Variants in TNFRSF1B observed in about 807,000 individuals in gnomAD.
TNFRSF1B encodes TNF receptor superfamily member 1B, also known as tumor necrosis factor receptor superfamily member 1B.
TNFRSF1B carries 19 observed loss-of-function variants against 44.6 expected under a neutral mutation model. The observed-to-expected ratio is 0.43, with a 90% confidence interval of 0.30 to 0.62. TNFRSF1B has a LOEUF of 0.62. TNFRSF1B is among the 20% of genes least tolerant of loss of function. The pLI is 0.16. For missense variants in TNFRSF1B, 541 were observed against 619.9 expected (o/e 0.87, Z 1.35); for synonymous variants, 252 against 261.1 (o/e 0.97, Z 0.34).
chr1:12,174,214 C>T (rs574729261), intron 1 of TNFRSF1B, among the ~76,000 whole-genome samples: 10 of 138,180 alleles, frequency 7.2e-5, no homozygotes, highest in African/African-American at 2.0e-4. Context: ...TTCTCCTTCT[C>T]CTTCTCCTTC....
At chr1:12,188,985 C>A in intron 2 of TNFRSF1B, 90 bp downstream of exon 2, 2 of 1,124,582 alleles carry the variant, frequency 1.8e-6, no homozygotes, top group Non-Finnish European at 2.6e-6. Flanking sequence ...GCCCTTGATT[C>A]TTACTGAACT....
intron 3 of TNFRSF1B, 70 bp from the exon 4 acceptor site, chr1:12,191,704 G>T: frequency 6.3e-7 from 1 of 1,596,182 alleles, no homozygotes; most frequent in Non-Finnish European, 8.6e-7. Flanking sequence ...AGAGTGCTGG[G>T]CTGTCTGGGA....
At position 12,183,679 on chromosome 1, in the gene TNFRSF1B, T is replaced by TCTATCTATTCTAA. The variant is rs1553163407; in HGVS notation, c.79-5109_79-5108insTCTAACTATCTAT. Among the ~76,000 whole-genome samples, 17 of 127,174 alleles carry TCTATCTATTCTAA rather than the reference T, an allele frequency of 1.3e-4. 2 individuals are homozygous for TCTATCTATTCTAA. Among genetic ancestry groups the TCTATCTATTCTAA allele is most frequent in the South Asian group, 2.8e-4 (1 of 3,566 alleles). The allele number at this position is 127,174 out of a possible 152,430, so 83.4% of individuals were successfully genotyped here. On this transcript the variant is annotated intron_variant, in intron 1 of 9. Coordinates refer to ENST00000376259, the MANE Select transcript of TNFRSF1B (RefSeq NM_001066.3). Reference sequence around the variant, plus strand: ...TTTTATCTATCTATCTATCTATCTATCTATCTATCTATCTATCTATCTATC... The same window carrying TCTATCTATTCTAA: ...TTTTATCTATCTATCTATCTATCTATCTATCTATTCTAACTATCTATCTATCTATCTATCTATC...
chr1:12,189,476 C>T (rs780985057), intron 2 of TNFRSF1B, among the ~76,000 whole-genome samples: 1 of 152,210 alleles, frequency 6.6e-6, no homozygotes, highest in Non-Finnish European at 1.5e-5. Context: ...GAATGCTTAC[C>T]CATTTCACAG....
chr1:12,200,989 A>C (rs1367799115), intron 8 of TNFRSF1B, among the ~76,000 whole-genome samples: 1 of 152,072 alleles, frequency 6.6e-6, no homozygotes, highest in African/African-American at 2.4e-5. Context: ...GTGGTGGTGC[A>C]CGCCTGGTAT....
At chr1:12,176,303 G>A (rs144437032) in intron 1 of TNFRSF1B, among the ~76,000 whole-genome samples, 60 of 152,312 alleles carry the variant, frequency 3.9e-4, no homozygotes, top group Non-Finnish European at 7.2e-4. Flanking sequence ...GGAGCCAAAG[G>A]TTTGTTGGGG....
At chr1:12,170,589 C>T (rs756865212) in intron 1 of TNFRSF1B, among the ~76,000 whole-genome samples, 31 of 152,160 alleles carry the variant, frequency 2.0e-4, no homozygotes, top group Admixed American at 3.3e-4. Context: ...GTAGCAGGGA[C>T]GGTTGTGCGT....
At chr1:12,167,548 CT>C in intron 1 of TNFRSF1B, 1 of 374,886 alleles carries the variant, frequency 2.7e-6, no homozygotes. Context: ...CGCGACAGCC[CT>C]TCCCTCCCAC....
At position 12,180,963 on chromosome 1, in the gene TNFRSF1B, C is replaced by G. The variant is rs1008342815; in HGVS notation, c.79-7833C>G. On this transcript the variant is annotated intron_variant, in intron 1 of 9. Transcript: ENST00000376259. The surrounding 1 kb of genome is among the most constrained non-coding windows in gnomAD (Gnocchi z 4.3). The stretch of plus-strand genomic sequence containing the variant: ...AAGTCCCTGTGAGTTAGCCCAAGGT[C>G]CCTGTCAAGGAGGACCACATCTGGC... Among the ~76,000 whole-genome samples, 9 of 152,196 alleles carry G rather than the reference C, an allele frequency of 5.9e-5. No homozygotes were observed. Among genetic ancestry groups the G allele is most frequent in the Non-Finnish European group, 1.2e-4 (8 of 68,026 alleles).
intron 8 of TNFRSF1B, among the ~76,000 whole-genome samples, chr1:12,196,641 C>T (rs1444404141): frequency 2.6e-5 from 4 of 152,234 alleles, no homozygotes; most frequent in South Asian, 2.1e-4. Flanking sequence ...TGCTCAAGGT[C>T]GCACCGCAGT....
intron 1 of TNFRSF1B, among the ~76,000 whole-genome samples, chr1:12,183,777 T>G (rs1570142631): frequency 6.4e-5 from 8 of 125,084 alleles, no homozygotes; most frequent in Admixed American, 7.7e-5. Flanking sequence ...AGCTATCTAT[T>G]CTATCTACCT....
At position 12,199,238 on chromosome 1, in the gene TNFRSF1B, T is replaced by C. The variant is rs1639336551; in HGVS notation, c.901-2729T>C. Among the ~76,000 whole-genome samples, 1 of 152,106 alleles carries C rather than the reference T, an allele frequency of 6.6e-6. No individual in the cohort carries two copies. Among genetic ancestry groups the C allele is most frequent in the African/African-American group, 2.4e-5 (1 of 41,414 alleles). ...TTTGTGGGGTTGTGAGGAGTGACAATTGGCTGCTTCTCCTCCCCTTCCAGG... is the reference window on the plus strand; with the variant it reads ...TTTGTGGGGTTGTGAGGAGTGACAACTGGCTGCTTCTCCTCCCCTTCCAGG... On this transcript the variant is annotated intron_variant, in intron 8 of 9. Coordinates refer to ENST00000376259, the MANE Select transcript of TNFRSF1B (RefSeq NM_001066.3). The surrounding 1 kb of genome is among the most constrained non-coding windows in gnomAD (Gnocchi z 4.0).
In TNFRSF1B at chr1:12,171,113, C is replaced by A. The variant is rs1388222510; in HGVS notation, c.78+3944C>A. On this transcript the variant is annotated intron_variant, in intron 1 of 9. Transcript: ENST00000376259. This position sits in a 1 kb window ranked among gnomAD's most constrained non-coding sequence, Gnocchi z 4.5. The stretch of plus-strand genomic sequence containing the variant: ...CACCTCCTGGGTTCAAGCAATTTTC[C>A]CACCTCAGCCTCCCAAGTAGCTGGG... Among the ~76,000 whole-genome samples the A allele has an allele frequency of 6.6e-6, 1 of 152,118 alleles. No homozygotes were observed. The highest frequency in any genetic ancestry group is 2.4e-5 in the African/African-American group (1 of 41,408).
At chr1:12,195,169 C>T (rs772502195) in intron 8 of TNFRSF1B, among the ~76,000 whole-genome samples, 8 of 152,216 alleles carry the variant, frequency 5.3e-5, no homozygotes, top group Non-Finnish European at 1.2e-4. Context: ...CAAAGCAACT[C>T]ACCTTTGATC....
Position 12,191,777 on chromosome 1 carries a change from A to G in TNFRSF1B, c.311A>G (p.Gln104Arg). The G allele has an allele frequency of 6.2e-7, 1 of 1,613,518 alleles. No homozygotes were observed. The highest frequency in any genetic ancestry group is 8.5e-7 in the Non-Finnish European group (1 of 1,179,786). The change falls in exon 4 of 10, where the codon CAG becomes CGG. Residue 104 changes from glutamine to arginine, a missense_variant. Physicochemically the swap from Gln to Arg is conservative, Grantham distance 43 (BLOSUM62 1). Coordinates refer to ENST00000376259, the MANE Select transcript of TNFRSF1B (RefSeq NM_001066.3). ...LSCGSRCSSDQVETQACTREQ... is the reference protein window; with the variant it reads ...LSCGSRCSSDRVETQACTREQ... ...TGCCGCCCTCTCGCTGCTCTAGACC[A>G]GGTGGAAACTCAAGCCTGCACTCGG...
In TNFRSF1B at chr1:12,203,513, G is replaced by A. The variant is rs745752960; in HGVS notation, c.1105+1342G>A. On this transcript the variant is annotated intron_variant, in intron 9 of 9. Coordinates refer to ENST00000376259, the MANE Select transcript of TNFRSF1B (RefSeq NM_001066.3). ...CCCCCAACTGCCCACAGGAGCTGAC[G>A]TGGCCATTTCTGTCTGCCCCATCAT... Among the ~76,000 whole-genome samples the A allele has an allele frequency of 4.6e-5, 7 of 152,064 alleles. No individual in the cohort carries two copies. In the East Asian group the frequency reaches 7.7e-4, roughly 17 times the overall value.
intron 1 of TNFRSF1B, among the ~76,000 whole-genome samples, chr1:12,173,066 A>G (rs1638557660): frequency 6.6e-6 from 1 of 152,218 alleles, no homozygotes; most frequent in East Asian, 1.9e-4. Context: ...CTAAGACAGC[A>G]TGGCTCTGAG....
chr1:12,202,212 T>G, intron 9 of TNFRSF1B, 41 bp downstream of exon 9: 1 of 1,532,960 alleles, frequency 6.5e-7, no homozygotes, highest in Non-Finnish European at 8.7e-7. Flanking sequence ...CCAAGCCTCC[T>G]TGGTCTTTCT....
intron 7 of TNFRSF1B, 133 bp downstream of exon 7, chr1:12,194,165 G>T: frequency 2.8e-6 from 2 of 714,398 alleles, no homozygotes. Flanking sequence ...TTCTGTAGGA[G>T]CTTAAGGCCT....
Sources: gnomAD v4.1 joint callset for allele counts (sites outside exome capture counted in the v4.1 genomes callset) on GRCh38, gnomAD v4.1.1 for gene constraint, Gnocchi (gnomAD v3.1) non-coding constraint, MANE v1.5 for transcripts, NCBI Gene and HGNC (gene_info 2026-07-23, HGNC 2026-07-21) for gene names.